Variants in ANKFN1 observed in about 807,000 individuals in gnomAD.
ANKFN1 encodes ankyrin repeat and fibronectin type-III domain-containing protein 1.
ANKFN1 carries 74 observed loss-of-function variants against 108.7 expected under a neutral mutation model. The ratio of observed to expected loss-of-function variants is 0.68; its 90% confidence interval spans 0.56 to 0.83. ANKFN1 has a LOEUF of 0.83. ANKFN1 is among the 40% of genes least tolerant of loss of function. The probability of loss-of-function intolerance (pLI) is 0.00; values close to 1 mark genes in which losing one functional copy is unlikely to be tolerated. For missense variants in ANKFN1, 1,505 were observed against 1,382.3 expected (o/e 1.09, Z -1.41); for synonymous variants, 547 against 516.2 (o/e 1.06, Z -0.81).
At chr17:56,121,333 G>A (rs573186604) in intron 4 of ANKFN1, among the ~76,000 whole-genome samples, 2 of 151,986 alleles carry the variant, frequency 1.3e-5, no homozygotes, top group East Asian at 1.9e-4. Context: ...GAGAATCAGC[G>A]CCTTAGTGTT....
At chr17:56,472,215 A>C (rs1012154204) in intron 15 of ANKFN1, 1 of 152,198 alleles carries the variant, frequency 6.6e-6, no homozygotes, top group Non-Finnish European at 1.5e-5. Context: ...GAAAATCAAA[A>C]ATTTTGGTAA....
At chr17:56,368,272 T>C (rs2046712016) in intron 6 of ANKFN1, 2 of 472,464 alleles carry the variant, frequency 4.2e-6, no homozygotes, top group African/African-American at 4.8e-5. Context: ...AAACTGAAAA[T>C]GAACTTTTTT....
At chr17:56,102,830 T>C (rs1415661916) in intron 4 of ANKFN1, among the ~76,000 whole-genome samples, 1 of 152,174 alleles carries the variant, frequency 6.6e-6, no homozygotes, top group Non-Finnish European at 1.5e-5. Context: ...CCTCCTGCCT[T>C]GACCTCTCAA....
At chr17:56,107,155 C>G (rs986615199) in intron 4 of ANKFN1, among the ~76,000 whole-genome samples, 11 of 152,124 alleles carry the variant, frequency 7.2e-5, no homozygotes, top group African/African-American at 2.7e-4. Flanking sequence ...CAGGGGGCAG[C>G]TAAGTTGCTG....
At chr17:56,379,473 G>A (rs2047034662) in intron 8 of ANKFN1, among the ~76,000 whole-genome samples, 1 of 151,722 alleles carries the variant, frequency 6.6e-6, no homozygotes, top group African/African-American at 2.4e-5. Context: ...TCTATAGTGA[G>A]TTCGATGTAT....
At chr17:56,236,963 A>G (rs776816903) in intron 3 of ANKFN1, among the ~76,000 whole-genome samples, 4 of 152,052 alleles carry the variant, frequency 2.6e-5, no homozygotes, top group African/African-American at 4.8e-5. Flanking sequence ...AGAGTTTTCA[A>G]CATGAACTGA....
At position 56,516,015 on chromosome 17, in the gene ANKFN1, A is replaced by G. The variant is rs1230427452; in HGVS notation, c.*4746A>G. 2.6e-5 allele frequency among the ~76,000 whole-genome samples: 4 copies of G among 152,134 alleles called. No homozygotes were observed. Among genetic ancestry groups the G allele is most frequent in the East Asian group, 1.9e-4 (1 of 5,190 alleles). ...AAAGCCAATGTTTAACTTAGTGGCA[A>G]AGGTTACGAAGCTATTAGTTAAGGC... On this transcript the variant is annotated 3_prime_UTR_variant, in exon 21 of 21. Coordinates refer to ENST00000682825, the MANE Select transcript of ANKFN1 (RefSeq NM_001370326.1).
intron 1 of ANKFN1, among the ~76,000 whole-genome samples, chr17:56,165,709 A>G (rs1016360195): frequency 2.0e-5 from 3 of 152,154 alleles, no homozygotes; most frequent in Non-Finnish European, 2.9e-5. Context: ...TTAGCCTGGA[A>G]TACAGGATCC....
intron 3 of ANKFN1, among the ~76,000 whole-genome samples, chr17:56,300,473 C>T (rs889406842): frequency 3.9e-5 from 6 of 152,096 alleles, no homozygotes; most frequent in African/African-American, 1.4e-4. Flanking sequence ...GTTTCTGTTT[C>T]CTTTACACTT....
intron 4 of ANKFN1, among the ~76,000 whole-genome samples, chr17:56,074,614 G>A (rs1361657610): frequency 6.6e-6 from 1 of 152,194 alleles, no homozygotes; most frequent in Admixed American, 6.5e-5. Context: ...TCCAACTGTT[G>A]CATGATATCA....
intron 4 of ANKFN1, among the ~76,000 whole-genome samples, chr17:56,088,927 G>C (rs536329862): frequency 6.6e-6 from 1 of 151,370 alleles, no homozygotes; most frequent in East Asian, 1.9e-4. Flanking sequence ...ATCAATTCTG[G>C]CTTGGTCTAG....
At chr17:56,366,036 C>G (rs2046652310) in intron 6 of ANKFN1, among the ~76,000 whole-genome samples, 1 of 152,026 alleles carries the variant, frequency 6.6e-6, no homozygotes, top group Non-Finnish European at 1.5e-5. Flanking sequence ...GTGTTACTGC[C>G]CCTTAAGAAC....
intron 4 of ANKFN1, among the ~76,000 whole-genome samples, chr17:56,070,419 A>C (rs1262659404): frequency 6.6e-6 from 1 of 152,114 alleles, no homozygotes; most frequent in East Asian, 1.9e-4. Flanking sequence ...GCCTGTGTCA[A>C]ATGTTCCACT....
At chr17:56,194,006 A>G (rs1913258458) in intron 1 of ANKFN1, among the ~76,000 whole-genome samples, 1 of 152,258 alleles carries the variant, frequency 6.6e-6, no homozygotes, top group Non-Finnish European at 1.5e-5. Flanking sequence ...TACAGATGGC[A>G]AGTGAGCACA....
intron 1 of ANKFN1, among the ~76,000 whole-genome samples, chr17:56,160,640 T>C (rs1909569711): frequency 6.6e-6 from 1 of 152,172 alleles, no homozygotes; most frequent in Admixed American, 6.5e-5. Flanking sequence ...TTTTGTCTTA[T>C]GGAAACTTTT....
intron 8 of ANKFN1, among the ~76,000 whole-genome samples, chr17:56,428,996 T>G (rs918563010): frequency 6.6e-6 from 1 of 152,104 alleles, no homozygotes; most frequent in African/African-American, 2.4e-5. Context: ...TTGAGTTAGG[T>G]GCAGAGTCTG....
At chr17:56,342,239 T>TC (rs146745303) in intron 4 of ANKFN1, among the ~76,000 whole-genome samples, 1 of 150,370 alleles carries the variant, frequency 6.7e-6, no homozygotes, top group Non-Finnish European at 1.5e-5. Flanking sequence ...TTTTTTTTTT[T>TC]CAAAGAAAAA....
At chr17:56,366,278 T>C (rs2046659117) in intron 6 of ANKFN1, among the ~76,000 whole-genome samples, 1 of 152,210 alleles carries the variant, frequency 6.6e-6, no homozygotes, top group South Asian at 2.1e-4. Flanking sequence ...CAAAAAGTTT[T>C]AAAAAGTTTA....
intron 14 of ANKFN1, among the ~76,000 whole-genome samples, chr17:56,461,426 T>A (rs1164883031): frequency 1.3e-5 from 2 of 152,232 alleles, no homozygotes; most frequent in Non-Finnish European, 2.9e-5. Context: ...AATTTCACAC[T>A]GTTCCGATTT....
Sources: allele counts gnomAD v4.1 joint callset (sites outside exome capture counted in the v4.1 genomes callset), GRCh38; gene constraint gnomAD v4.1.1; transcripts MANE v1.5; gene names NCBI Gene and HGNC (gene_info 2026-07-23, HGNC 2026-07-21).